Variants in ARHGEF18 observed in about 807,000 individuals in gnomAD.
ARHGEF18 encodes the protein rho guanine nucleotide exchange factor 18.
Under a neutral mutation model 155.7 loss-of-function variants are expected in ARHGEF18, and 93 were observed. The ratio of observed to expected loss-of-function variants is 0.60; its 90% CI spans 0.50 to 0.71. The LOEUF is 0.71. Among genes scored for constraint, ARHGEF18 ranks in the 30% least tolerant of loss-of-function variants. The pLI is 0.00. For missense variants in ARHGEF18, 1,593 were observed against 1,816.1 expected, an observed-to-expected ratio of 0.88 and a Z score of 2.23; for synonymous variants, 742 against 753.1, an observed-to-expected ratio of 0.99 and a Z score of 0.24.
intron 10 of ARHGEF18, among the ~76,000 whole-genome samples, chr19:7,436,831 C>T (rs867708441): frequency 1.3e-5 from 2 of 152,156 alleles, no homozygotes; most frequent in African/African-American, 4.8e-5. Context: ...TTTAGGATTC[C>T]TGTTTTTTTA....
At chr19:7,427,279 G>A (rs1366203577) in intron 10 of ARHGEF18, among the ~76,000 whole-genome samples, 1 of 152,180 alleles carries the variant, frequency 6.6e-6, no homozygotes, top group Non-Finnish European at 1.5e-5. Context: ...AACGGCAAGT[G>A]TGTCTACCCA....
chr19:7,376,714 G>A lies in ARHGEF18; in HGVS notation c.498G>A (p.Pro166=), dbSNP rs974460066. The A allele has an allele frequency of 3.9e-5, 48 of 1,234,452 alleles. No homozygotes were observed. The highest frequency in any genetic ancestry group is 4.1e-4 in the Middle Eastern group (2 of 4,840). The allele number at this position is 1,234,452 out of a possible 1,614,324, so 76.5% of individuals were successfully genotyped here. A position where few individuals can be genotyped will look rare whatever the true frequency, so the allele number is the denominator to read the frequency against. The change falls in exon 5 of 29, where the codon CCG becomes CCA. Residue 166 remains proline (P), a synonymous_variant. Transcript: ENST00000668164. The part of the protein sequence containing the change: ...VPVSFYEIRS[P]EISPGLEVPT... ...TGTCCTTCTATGAGATCCGCTCTCC[G>A]GAAATCTCTCCGGGTTTGGAAGTGC...
intron 4 of ARHGEF18, among the ~76,000 whole-genome samples, chr19:7,376,325 G>T (rs1463072688): frequency 1.3e-5 from 2 of 152,144 alleles, no homozygotes; most frequent in African/African-American, 2.4e-5. Context: ...GCTGGTGGCT[G>T]AGACATCTTT....
At chr19:7,356,867 T>C (rs1017079686) in intron 1 of ARHGEF18, among the ~76,000 whole-genome samples, 1 of 152,138 alleles carries the variant, frequency 6.6e-6, no homozygotes, top group African/African-American at 2.4e-5. Context: ...AGGGGGCCAA[T>C]GTGAAGATTC....
chr19:7,478,456 A>C, the ARHGEF18 span: 1 of 1,405,938 alleles, frequency 7.1e-7, no homozygotes, highest in Non-Finnish European at 9.8e-7. Flanking sequence ...CCGGACATAC[A>C]GTCTGGGACA....
At chr19:7,450,861 G>T (rs1014068936) in intron 15 of ARHGEF18, among the ~76,000 whole-genome samples, 4 of 113,276 alleles carry the variant, frequency 3.5e-5, no homozygotes, top group Admixed American at 1.0e-4. Flanking sequence ...GCGGCGTCTT[G>T]CTGTCCGTTT....
At position 7,380,929 on chromosome 19, in the gene ARHGEF18, G is replaced by A; in HGVS notation, c.657G>A (p.Arg219=). Residue 219 remains arginine, a synonymous_variant, in exon 8 of 29, where the codon AGG becomes AGA. Coordinates refer to ENST00000668164, the MANE Select transcript of ARHGEF18 (RefSeq NM_001367823.1). Reference sequence around the variant, plus strand: ...TCTGATCCTGCAGGGCCCGGCAGAGGGCTTGCATGTCAGCCAGCCCCGGAG... The same window carrying A: ...TCTGATCCTGCAGGGCCCGGCAGAGAGCTTGCATGTCAGCCAGCCCCGGAG... The part of the protein sequence containing the change: ...ELRQYHGARQ[R]ACMSASPGGA... 1.6e-6 allele frequency: 2 copies of A among 1,232,186 alleles called. No individual in the cohort carries two copies. The highest frequency in any genetic ancestry group is 2.0e-6 in the Non-Finnish European group (2 of 988,016). The allele number at this position is 1,232,186 out of a possible 1,614,324, so 76.3% of individuals were successfully genotyped here.
At chr19:7,386,259 G>T (rs577260409) in intron 10 of ARHGEF18, among the ~76,000 whole-genome samples, 4 of 150,646 alleles carry the variant, frequency 2.7e-5, no homozygotes, top group African/African-American at 9.8e-5. Flanking sequence ...AAAGACAAAG[G>T]AAAAACATGA....
At chr19:7,379,287 A>T in intron 7 of ARHGEF18, 121 bp downstream of exon 7, 1 of 870,316 alleles carries the variant, frequency 1.1e-6, no homozygotes, top group Non-Finnish European at 1.5e-6. Flanking sequence ...GGCTGGGTAC[A>T]GTGGCTCACG....
intron 1 of ARHGEF18, among the ~76,000 whole-genome samples, chr19:7,361,231 T>C (rs1969532989): frequency 6.6e-6 from 1 of 152,010 alleles, no homozygotes. Flanking sequence ...AGCTCAGGAG[T>C]TCCGGACCAG....
the ARHGEF18 span, chr19:7,478,333 G>A: frequency 6.2e-7 from 1 of 1,611,156 alleles, no homozygotes; most frequent in Non-Finnish European, 8.5e-7. Flanking sequence ...GGCGCCGTGG[G>A]GCTCCGCAGC....
chr19:7,462,467 C>A lies in ARHGEF18; in HGVS notation c.2635+133C>A. ...AGGACAGGCTTCTATGTGGGGGGGG[C>A]CCAGGAGCAGCACTGACCGCCCCCC... On this transcript the variant is annotated intron_variant, in intron 21 of 28. Transcript: ENST00000668164. The surrounding 1 kb of genome is among the most constrained non-coding windows in gnomAD (Gnocchi z 4.4). 9.0e-7 allele frequency: 1 copy of A among 1,105,660 alleles called. No individual in the cohort carries two copies. Among genetic ancestry groups the A allele is most frequent in the Non-Finnish European group, 1.2e-6 (1 of 805,044 alleles). The allele number at this position is 1,105,660 out of a possible 1,614,324, so 68.5% of individuals were successfully genotyped here.
intron 27 of ARHGEF18, 80 bp from the exon 28 acceptor site, chr19:7,469,824 C>T (rs1449778382): frequency 3.2e-6 from 5 of 1,543,136 alleles, no homozygotes; most frequent in South Asian, 2.4e-5. Context: ...TGGCCAGGCC[C>T]CTCTGCTCTC....
intron 1 of ARHGEF18, among the ~76,000 whole-genome samples, chr19:7,359,631 T>C (rs190756839): frequency 1.3e-5 from 2 of 152,142 alleles, no homozygotes; most frequent in African/African-American, 2.4e-5. Flanking sequence ...CATTCTATGA[T>C]ACAAGAATGA....
intron 10 of ARHGEF18, among the ~76,000 whole-genome samples, chr19:7,428,440 TG>T (rs1388333349): frequency 6.6e-6 from 1 of 152,140 alleles, no homozygotes; most frequent in African/African-American, 2.4e-5. Context: ...TCTCTCAAGC[TG>T]GAGTGCAGTG....
At position 7,467,581 on chromosome 19, in the gene ARHGEF18, C is replaced by T; in HGVS notation, c.3377C>T (p.Ala1126Val). The change falls in exon 26 of 29, where the codon GCC becomes GTC. Residue 1126 changes from alanine to valine, a missense_variant. Ala to Val is a moderately conservative substitution (Grantham distance 64). Transcript: ENST00000668164. ...YQHDLERLRE[A>V]QRAVERERER... is the part of the protein sequence containing the mutation. ...CACGACCTGGAGCGGCTGCGCGAGG[C>T]CCAGCGTGCCGTGGAGCGCGAGCGG... 2.0e-6 allele frequency: 3 copies of T among 1,502,080 alleles called. No homozygotes were observed. Among genetic ancestry groups the T allele is most frequent in the Non-Finnish European group, 2.6e-6 (3 of 1,133,740 alleles). The allele number at this position is 1,502,080 out of a possible 1,614,324, so 93.0% of individuals were successfully genotyped here.
At position 7,395,239 on chromosome 19, in the gene ARHGEF18, C is replaced by T. The variant is rs1971628692; in HGVS notation, c.967+12036C>T. Reference sequence around the variant, plus strand: ...TGGCGGAGAGCGGCCTGCGGGCGATCGGGCCGAGGTGAGGACGGCGGCGGG... The same window carrying T: ...TGGCGGAGAGCGGCCTGCGGGCGATTGGGCCGAGGTGAGGACGGCGGCGGG... On this transcript the variant is annotated intron_variant, in intron 10 of 28. Transcript: ENST00000668164. This position sits in a 1 kb window ranked among gnomAD's most constrained non-coding sequence, Gnocchi z 5.0. 1.0e-5 allele frequency: 10 copies of T among 986,902 alleles called. No individual in the cohort carries two copies. Among genetic ancestry groups the T allele is most frequent in the African/African-American group, 1.7e-5 (1 of 57,370 alleles). The allele number at this position is 986,902 out of a possible 1,614,324, so 61.1% of individuals were successfully genotyped here.
intron 10 of ARHGEF18, among the ~76,000 whole-genome samples, chr19:7,389,838 G>A (rs555271042): frequency 6.6e-6 from 1 of 152,226 alleles, no homozygotes; most frequent in African/African-American, 2.4e-5. Context: ...TCTTTCTCCT[G>A]GAGACATCAT....
intron 10 of ARHGEF18, among the ~76,000 whole-genome samples, chr19:7,413,471 T>G (rs931158380): frequency 1.4e-4 from 21 of 151,942 alleles, no homozygotes; most frequent in African/African-American, 5.1e-4. Context: ...CCAGCTAATT[T>G]TTTGCATTTT....
Sources: gnomAD v4.1 joint callset for allele counts (sites outside exome capture counted in the v4.1 genomes callset) on GRCh38, gnomAD v4.1.1 for gene constraint, Gnocchi (gnomAD v3.1) non-coding constraint, MANE v1.5 for transcripts, NCBI Gene and HGNC (gene_info 2026-07-23, HGNC 2026-07-21) for gene names.